Variants in HIVEP1 observed in about 807,000 individuals in gnomAD.
The protein encoded by HIVEP1 is HIVEP zinc finger 1.
In HIVEP1, 36 loss-of-function variants were observed where a neutral mutation model predicts 180.0. The observed-to-expected ratio is 0.20, with a 90% confidence interval of 0.15 to 0.26. HIVEP1 has a LOEUF of 0.26. HIVEP1 is among the 10% of genes least tolerant of loss of function. The pLI is 1.00. For synonymous variants in HIVEP1, 1,239 were observed against 1,239.0 expected, an observed-to-expected ratio of 1.00 and a Z score of 0.00; for missense variants, 3,143 against 3,268.7, an observed-to-expected ratio of 0.96 and a Z score of 0.94.
chr6:12,019,337 A>G (rs1482686225), intron 2 of HIVEP1, among the ~76,000 whole-genome samples: 1 of 152,166 alleles, frequency 6.6e-6, no homozygotes, highest in Admixed American at 6.5e-5. Context: ...AGCCCTGGGA[A>G]GGATGTGGGG....
intron 7 of HIVEP1, among the ~76,000 whole-genome samples, chr6:12,137,673 C>T (rs1758777876): frequency 6.6e-6 from 1 of 151,414 alleles, no homozygotes; most frequent in Admixed American, 6.6e-5. Context: ...TGGAGTTTTG[C>T]CAAGTGCTGT....
At chr6:12,045,916 T>A (rs953461199) in intron 2 of HIVEP1, among the ~76,000 whole-genome samples, 2 of 152,240 alleles carry the variant, frequency 1.3e-5, no homozygotes, top group Non-Finnish European at 2.9e-5. Flanking sequence ...TAATTATCTT[T>A]AAAATTCTAC....
At position 12,063,385 on chromosome 6, in the gene HIVEP1, G is replaced by C. The variant is rs893641131; in HGVS notation, c.41-25799G>C. ...AAGATGTCTCCAGGCATTTCCAAAT[G>C]CCTTTTGGGGGGCAAAATCACCCCA... On this transcript the variant is annotated intron_variant, in intron 2 of 8. Transcript: ENST00000379388. The surrounding 1 kb of genome is among the most constrained non-coding windows in gnomAD (Gnocchi z 4.2). 6.6e-6 allele frequency among the ~76,000 whole-genome samples: 1 copy of C among 152,088 alleles called. No homozygotes were observed. The highest frequency in any genetic ancestry group is 1.5e-5 in the Non-Finnish European group (1 of 68,018).
the HIVEP1 span, among the ~76,000 whole-genome samples, chr6:12,181,464 G>A: frequency 6.6e-6 from 1 of 152,018 alleles, no homozygotes; most frequent in African/African-American, 2.4e-5. Context: ...ACCCTGGAGT[G>A]CAGTGACACA....
Position 12,125,472 on chromosome 6 carries a change from C to G in HIVEP1, c.5677C>G (p.Gln1893Glu). Residue 1893 changes from glutamine to glutamate, a missense_variant, in exon 4 of 9, where the codon CAA (glutamine) becomes GAA (glutamate). Physicochemically the swap from Gln to Glu is conservative, Grantham distance 29. Transcript: ENST00000379388. ...TCCTTTGAAATGTACAGACAATAAC[C>G]AAGAAAGGAAGTCTCCAGGGGTTAA... ...ISPLKCTDNN[Q>E]ERKSPGVKNQ... The G allele has an allele frequency of 6.2e-7, 1 of 1,614,010 alleles. No homozygotes were observed. The highest frequency in any genetic ancestry group is 1.3e-5 in the African/African-American group (1 of 75,002).
At chr6:12,149,319 C>T (rs946003077) in intron 7 of HIVEP1, among the ~76,000 whole-genome samples, 2 of 152,028 alleles carry the variant, frequency 1.3e-5, no homozygotes, top group African/African-American at 4.8e-5. Flanking sequence ...AGTCACAACC[C>T]CTGCCAGAGT....
intron 2 of HIVEP1, among the ~76,000 whole-genome samples, chr6:12,074,870 A>G (rs950396453): frequency 6.6e-6 from 1 of 152,144 alleles, no homozygotes; most frequent in African/African-American, 2.4e-5. Context: ...GTTTGATAGT[A>G]TGTATGTATA....
At chr6:12,073,463 T>C (rs961791856) in intron 2 of HIVEP1, among the ~76,000 whole-genome samples, 3 of 152,156 alleles carry the variant, frequency 2.0e-5, no homozygotes, top group Non-Finnish European at 2.9e-5. Flanking sequence ...CTCCTCCCAA[T>C]TTCCAGCTGC....
intron 6 of HIVEP1, among the ~76,000 whole-genome samples, chr6:12,133,106 C>T (rs951225369): frequency 2.2e-4 from 33 of 152,104 alleles, no homozygotes; most frequent in African/African-American, 7.7e-4. Flanking sequence ...GACAGCAAAA[C>T]GCTCTCAGAA....
intron 2 of HIVEP1, among the ~76,000 whole-genome samples, chr6:12,060,431 A>G (rs1338545241): frequency 2.0e-5 from 3 of 152,228 alleles, no homozygotes; most frequent in Admixed American, 2.0e-4. Flanking sequence ...GTAGAATTAG[A>G]TAGTTGATGA....
intron 3 of HIVEP1, among the ~76,000 whole-genome samples, chr6:12,102,232 A>T (rs1376751108): frequency 6.6e-6 from 1 of 152,224 alleles, no homozygotes; most frequent in Non-Finnish European, 1.5e-5. Context: ...AGGCTTGACT[A>T]CCAACACTGT....
intron 2 of HIVEP1, among the ~76,000 whole-genome samples, chr6:12,060,797 G>A (rs1771175760): frequency 1.3e-5 from 2 of 152,284 alleles, no homozygotes; most frequent in East Asian, 1.9e-4. Context: ...GCCATTAAAC[G>A]GTTGGGAAGG....
the HIVEP1 span, among the ~76,000 whole-genome samples, chr6:12,204,580 C>T: frequency 6.6e-6 from 1 of 152,120 alleles, no homozygotes; most frequent in African/African-American, 2.4e-5. Context: ...TTCTGGTTTC[C>T]ACACTAAAAA....
intron 2 of HIVEP1, among the ~76,000 whole-genome samples, chr6:12,018,600 A>G (rs1005369508): frequency 3.9e-5 from 6 of 152,222 alleles, no homozygotes; most frequent in African/African-American, 1.2e-4. Context: ...ATAGGGAGTC[A>G]TTATTTTGTC....
chr6:12,129,552 T>C lies in HIVEP1; in HGVS notation c.6076-207T>C, dbSNP rs116773291. 2,416 of 657,976 alleles carry C rather than the reference T, an allele frequency of 3.7e-3. 41 individuals carry two copies. Among genetic ancestry groups the C allele is most frequent in the African/African-American group, 0.036 (2,026 of 56,280 alleles). 40.8% of individuals were successfully genotyped at this position (657,976 alleles called of 1,614,324 possible). On this transcript the variant is annotated intron_variant, in intron 4 of 8. Transcript: ENST00000379388. ...CAGTGAACTGTGGTGGAATTTTAAA[T>C]TAACATAAGATTTATCAGTTTGCTG... is the stretch of plus-strand genomic sequence containing the variant.
At position 12,086,883 on chromosome 6, in the gene HIVEP1, G is replaced by A. The variant is rs113995533; in HGVS notation, c.41-2301G>A. Among the ~76,000 whole-genome samples the A allele has an allele frequency of 4.5e-4, 68 of 152,194 alleles. No homozygotes were observed. In the East Asian group the frequency reaches 7.3e-3, roughly 16 times the overall value. On this transcript the variant is annotated intron_variant, in intron 2 of 8. Coordinates refer to ENST00000379388, the MANE Select transcript of HIVEP1 (RefSeq NM_002114.4). ...TGTCTTGTATGAATCAGTTAAGAGC[G>A]TGTAGTAAATGACTACTTTCTTTGT...
intron 3 of HIVEP1, among the ~76,000 whole-genome samples, chr6:12,114,191 A>C (rs1326868292): frequency 6.6e-6 from 1 of 151,700 alleles, no homozygotes; most frequent in African/African-American, 2.4e-5. Flanking sequence ...GCCCTCCTTC[A>C]CTCCTTACTG....
At chr6:12,098,598 T>C (rs2113378947) in intron 3 of HIVEP1, among the ~76,000 whole-genome samples, 1 of 152,346 alleles carries the variant, frequency 6.6e-6, no homozygotes, top group South Asian at 2.1e-4. Context: ...AGCTTGTATA[T>C]ATTTTGCCTA....
At chr6:12,041,503 G>GT (rs200332666) in intron 2 of HIVEP1, among the ~76,000 whole-genome samples, 175 of 133,858 alleles carry the variant, frequency 1.3e-3, no homozygotes, top group Admixed American at 2.0e-3. Flanking sequence ...TAGCTTACAT[G>GT]TTTTTTTTTT....
Sources: allele counts gnomAD v4.1 joint callset (sites outside exome capture counted in the v4.1 genomes callset), GRCh38; gene constraint gnomAD v4.1.1; non-coding constraint Gnocchi (gnomAD v3.1); transcripts MANE v1.5; gene names NCBI Gene and HGNC (gene_info 2026-07-23, HGNC 2026-07-21).